MAP4: variants seen among roughly 807,000 people sequenced by gnomAD.
MAP4 encodes microtubule associated protein 4.
In MAP4, 76 loss-of-function variants were observed where a neutral mutation model predicts 170.2. That is an observed-to-expected ratio of 0.45 (90% confidence interval 0.37 to 0.54). The LOEUF is 0.54. MAP4 is among the 20% of genes least tolerant of loss of function. The probability of loss-of-function intolerance (pLI) is 0.00; values close to 1 mark genes in which losing one functional copy is unlikely to be tolerated. For missense variants in MAP4, 2,506 were observed against 2,748.0 expected (o/e 0.91, Z 1.97); for synonymous variants, 909 against 994.5 (o/e 0.91, Z 1.62).
intron 1 of MAP4, among the ~76,000 whole-genome samples, chr3:48,040,837 A>C (rs1357101099): frequency 6.6e-6 from 1 of 152,098 alleles, no homozygotes; most frequent in East Asian, 1.9e-4. Context: ...CTGGGATTAA[A>C]GGCGTGCGTG....
chr3:47,878,045 G>T lies in MAP4; in HGVS notation c.5435-522C>A, dbSNP rs9865126. On this transcript the variant is annotated intron_variant, in intron 10 of 20. Coordinates refer to ENST00000683076, the MANE Select transcript of MAP4 (RefSeq NM_001385682.1). ...GACCCAGATTTTCAACAAGGCCAAG[G>T]AGACCCATGGAACCAGACTCAGGGC... Among the ~76,000 whole-genome samples the T allele has an allele frequency of 2.0e-3, 305 of 152,236 alleles. 1 individual carries two copies. The highest frequency in any genetic ancestry group is 7.1e-3 in the African/African-American group (294 of 41,542).
chr3:47,887,925 T>C (rs1182253443), intron 10 of MAP4, among the ~76,000 whole-genome samples: 2 of 151,976 alleles, frequency 1.3e-5, no homozygotes, highest in East Asian at 1.9e-4. Flanking sequence ...GGTTTGTGAA[T>C]GCACCAATCG....
intron 15 of MAP4, among the ~76,000 whole-genome samples, chr3:47,869,959 A>G (rs2088456244): frequency 6.6e-6 from 1 of 152,160 alleles, no homozygotes; most frequent in Non-Finnish European, 1.5e-5. Context: ...GACTGATCTC[A>G]GCTTGCCATC....
At chr3:47,988,896 T>C (rs2100090531) in intron 2 of MAP4, among the ~76,000 whole-genome samples, 1 of 152,130 alleles carries the variant, frequency 6.6e-6, no homozygotes, top group Non-Finnish European at 1.5e-5. Flanking sequence ...CACTGCAACC[T>C]CCACCTTCTG....
At chr3:48,025,553 T>G (rs1301218705) in intron 1 of MAP4, among the ~76,000 whole-genome samples, 3 of 151,890 alleles carry the variant, frequency 2.0e-5, no homozygotes. Context: ...CCTCCCAAAG[T>G]GCTGAGATTA....
At position 47,923,737 on chromosome 3, in the gene MAP4, G is replaced by A. The variant is rs574023099; in HGVS notation, c.416-1859C>T. On this transcript the variant is annotated intron_variant, in intron 4 of 20. Coordinates refer to ENST00000683076, the MANE Select transcript of MAP4 (RefSeq NM_001385682.1). ...AGGCTGAGGTGGGAGGATCACTTGA[G>A]CCTGGGGAGGTTGAGTCTGTGGTGA... Among the ~76,000 whole-genome samples the A allele has an allele frequency of 2.6e-5, 4 of 152,216 alleles. No homozygotes were observed. The East Asian group carries it at 7.7e-4, about 29-fold the overall frequency.
intron 1 of MAP4, among the ~76,000 whole-genome samples, chr3:48,055,873 A>G (rs2100130921): frequency 1.8e-5 from 2 of 109,262 alleles, no homozygotes; most frequent in Non-Finnish European, 4.1e-5. Context: ...CTGGGATGTG[A>G]GGAGCGCCTC....
chr3:47,888,103 C>T (rs1018393681), intron 10 of MAP4, among the ~76,000 whole-genome samples: 6 of 152,146 alleles, frequency 3.9e-5, no homozygotes, highest in African/African-American at 9.7e-5. Flanking sequence ...ATCTGTGTGT[C>T]GAAACTCTGT....
chr3:47,975,508 G>T, intron 3 of MAP4: 1 of 1,355,664 alleles, frequency 7.4e-7, no homozygotes, highest in Non-Finnish European at 1.0e-6. Context: ...GTAGGAAGGG[G>T]AAGAAAAGGG....
intron 1 of MAP4, among the ~76,000 whole-genome samples, chr3:48,069,799 G>A (rs1345088106): frequency 1.3e-5 from 2 of 152,172 alleles, no homozygotes; most frequent in Admixed American, 6.5e-5. Flanking sequence ...TAAATTGGTT[G>A]AGTACTAAAG....
In MAP4 at chr3:47,928,432, C is replaced by T. The variant is rs970039281; in HGVS notation, c.293-82G>A. On this transcript the variant is annotated intron_variant, in intron 3 of 20. Transcript: ENST00000683076. ...ACAGTGGAATTTCTACAAAGTATTA[C>T]AGCTAGTACAATATAAAAAATCCTA... 1.6e-5 allele frequency: 22 copies of T among 1,343,010 alleles called. No individual in the cohort carries two copies. The Middle Eastern group carries it at 5.7e-4, about 35-fold the overall frequency. The allele number at this position is 1,343,010 out of a possible 1,614,324, so 83.2% of individuals were successfully genotyped here. A position where few individuals can be genotyped will look rare whatever the true frequency, so the allele number is the denominator to read the frequency against.
intron 1 of MAP4, among the ~76,000 whole-genome samples, chr3:48,071,981 G>A (rs1340988290): frequency 6.6e-6 from 1 of 152,082 alleles, no homozygotes; most frequent in Non-Finnish European, 1.5e-5. Context: ...AGCATTTTGG[G>A]AGGCCCAGGC....
chr3:47,866,396 T>C (rs575560381), intron 17 of MAP4, among the ~76,000 whole-genome samples: 1 of 146,352 alleles, frequency 6.8e-6, no homozygotes, highest in East Asian at 2.1e-4. Flanking sequence ...GAAAAGGGAC[T>C]AAAAAAGGAG....
intron 1 of MAP4, among the ~76,000 whole-genome samples, chr3:48,040,817 T>C (rs2100121260): frequency 6.6e-6 from 1 of 152,204 alleles, no homozygotes; most frequent in South Asian, 2.1e-4. Context: ...CGCCTCAGCC[T>C]CCCAAAGTGC....
intron 3 of MAP4, among the ~76,000 whole-genome samples, chr3:47,949,779 G>A (rs1006794931): frequency 6.6e-5 from 10 of 152,126 alleles, no homozygotes; most frequent in African/African-American, 1.7e-4. Context: ...TACTACAGGA[G>A]GAAGAGGATT....
At chr3:48,062,513 A>AC (rs1388620796) in intron 1 of MAP4, among the ~76,000 whole-genome samples, 2 of 150,516 alleles carry the variant, frequency 1.3e-5, no homozygotes, top group Non-Finnish European at 3.0e-5. Context: ...AAAAAAAAAA[A>AC]AAAACATCAC....
intron 1 of MAP4, among the ~76,000 whole-genome samples, chr3:48,044,909 A>G (rs1482358792): frequency 6.6e-6 from 1 of 151,768 alleles, no homozygotes; most frequent in Non-Finnish European, 1.5e-5. Context: ...AGATCACACT[A>G]CTGCACTCCA....
rs1395013635 is a variant in MAP4 at position 48,001,693 on chromosome 3, T to A, written c.-19-2814A>T. 2.0e-5 allele frequency among the ~76,000 whole-genome samples: 3 copies of A among 152,256 alleles called. No individual in the cohort carries two copies. The East Asian group carries it at 5.8e-4, about 29-fold the overall frequency. On this transcript the variant is annotated intron_variant, in intron 1 of 20. Coordinates refer to ENST00000683076, the MANE Select transcript of MAP4 (RefSeq NM_001385682.1). Reference sequence around the variant, plus strand: ...TTTTGCATTTTTAGTAGAGACAGGGTGCCACCATGTTGGTTAGGCTGGTCT... The same window carrying A: ...TTTTGCATTTTTAGTAGAGACAGGGAGCCACCATGTTGGTTAGGCTGGTCT...
In MAP4 at chr3:47,859,849, G is replaced by C. The variant is rs2150532212; in HGVS notation, c.6502-2337C>G. ...ATTTATAGGCATCTCCAAAATGGAA[G>C]TTTAGGATACAGCACAGATACCTCC... On this transcript the variant is annotated intron_variant, in intron 17 of 20. Transcript: ENST00000683076. Among the ~76,000 whole-genome samples, 4 of 152,320 alleles carry C rather than the reference G, an allele frequency of 2.6e-5. No individual in the cohort carries two copies. In the East Asian group the frequency reaches 7.7e-4, roughly 29 times the overall value.
Sources: gnomAD v4.1 joint callset for allele counts (sites outside exome capture counted in the v4.1 genomes callset) on GRCh38, gnomAD v4.1.1 for gene constraint, MANE v1.5 for transcripts, NCBI Gene and HGNC (gene_info 2026-07-23, HGNC 2026-07-21) for gene names.